EPHA6: variants seen among roughly 807,000 people sequenced by gnomAD.
EPHA6 encodes ephrin type-A receptor 6.
A neutral mutation model predicts 112.0 loss-of-function variants in EPHA6; 50 were observed. The ratio of observed to expected loss-of-function variants is 0.45; its 90% CI spans 0.36 to 0.56. The LOEUF (loss-of-function observed/expected upper bound fraction) is 0.56, where lower values mean the gene tolerates loss of function less well. EPHA6 is among the 20% of genes least tolerant of loss of function. The pLI, the probability that EPHA6 is intolerant of heterozygous loss-of-function variation, is 0.00. For missense variants in EPHA6, 1,280 were observed against 1,417.4 expected, an observed-to-expected ratio of 0.90 and a Z score of 1.56; for synonymous variants, 529 against 490.7, an observed-to-expected ratio of 1.08 and a Z score of -1.03.
rs967517119 is a variant in EPHA6 at position 97,749,469 on chromosome 3, T to C, written c.*768T>C. ...ATTTATTTATTTTTACTAACCGTAG[T>C]ATATTTCTCTACTACCTTATGAAGA... is the stretch of plus-strand genomic sequence containing the variant. On this transcript the variant is annotated 3_prime_UTR_variant, in exon 18 of 18. Coordinates refer to ENST00000389672, the MANE Select transcript of EPHA6 (RefSeq NM_001080448.3). 1.3e-5 allele frequency among the ~76,000 whole-genome samples: 2 copies of C among 152,154 alleles called. No homozygotes were observed. Among genetic ancestry groups the C allele is most frequent in the African/African-American group, 4.8e-5 (2 of 41,428 alleles).
intron 5 of EPHA6, among the ~76,000 whole-genome samples, chr3:97,356,509 TC>T (rs1485934773): frequency 6.6e-6 from 1 of 152,152 alleles, no homozygotes; most frequent in Non-Finnish European, 1.5e-5. Flanking sequence ...TTGTTTTGAT[TC>T]TTCTCTAAGT....
At chr3:97,295,985 G>A (rs1430263488) in intron 5 of EPHA6, among the ~76,000 whole-genome samples, 1 of 152,160 alleles carries the variant, frequency 6.6e-6, no homozygotes, top group African/African-American at 2.4e-5. Context: ...GCAGATCTGA[G>A]CTAGTTGATT....
intron 14 of EPHA6, among the ~76,000 whole-genome samples, chr3:97,709,206 G>A (rs2033840719): frequency 6.6e-6 from 1 of 151,422 alleles, no homozygotes; most frequent in South Asian, 2.1e-4. Flanking sequence ...TGTGAAAGCA[G>A]CCAATGGGGC....
intron 2 of EPHA6, among the ~76,000 whole-genome samples, chr3:96,983,048 T>G (rs1333711319): frequency 6.6e-6 from 1 of 152,186 alleles, no homozygotes; most frequent in African/African-American, 2.4e-5. Flanking sequence ...TTTAGCCCAT[T>G]TACATTTAAG....
intron 14 of EPHA6, among the ~76,000 whole-genome samples, chr3:97,650,197 G>A (rs1560231761): frequency 6.6e-6 from 1 of 152,080 alleles, no homozygotes; most frequent in Non-Finnish European, 1.5e-5. Context: ...ACTGTTTGAG[G>A]TGTGAACACC....
intron 1 of EPHA6, among the ~76,000 whole-genome samples, chr3:96,846,103 C>T (rs1043709507): frequency 1.8e-4 from 28 of 151,914 alleles, no homozygotes; most frequent in Admixed American, 3.3e-4. Context: ...AAAAATAAAA[C>T]GAGGGAATAG....
intron 5 of EPHA6, among the ~76,000 whole-genome samples, chr3:97,364,938 A>G (rs2108953719): frequency 6.6e-6 from 1 of 152,284 alleles, no homozygotes; most frequent in Non-Finnish European, 1.5e-5. Flanking sequence ...TCTCAGGTTG[A>G]TTTAGGCTTT....
chr3:97,720,336 T>C lies in EPHA6; in HGVS notation c.2860T>C (p.Trp954Arg). 1.2e-6 allele frequency: 2 copies of C among 1,610,040 alleles called. No homozygotes were observed. Among genetic ancestry groups the C allele is most frequent in the Non-Finnish European group, 1.7e-6 (2 of 1,177,840 alleles). ...AAAATTCTCCTCAGCAAGCGATGCA[T>C]GGAGCTATGGCATTGTCATGTGGGA... Reference protein sequence around the residue: ...YRKFSSASDAWSYGIVMWEVM... With the variant: ...YRKFSSASDARSYGIVMWEVM... Residue 954 changes from tryptophan (W) to arginine (R), a missense_variant, in exon 15 of 18, where the codon TGG (tryptophan) becomes CGG (arginine). Transcript: ENST00000389672.
intron 5 of EPHA6, among the ~76,000 whole-genome samples, chr3:97,261,996 T>C (rs2079518852): frequency 6.6e-6 from 1 of 152,216 alleles, no homozygotes; most frequent in African/African-American, 2.4e-5. Flanking sequence ...CCACAGTTCT[T>C]AGTTATAAAA....
At chr3:97,127,870 GTT>G (rs759063632) in intron 3 of EPHA6, among the ~76,000 whole-genome samples, 1 of 147,434 alleles carries the variant, frequency 6.8e-6, no homozygotes, top group Non-Finnish European at 1.5e-5. Flanking sequence ...ATATTCTTTA[GTT>G]TTTTTTTTTA....
At chr3:97,295,959 GTGGGCACCAGTA>G (rs1219021189) in intron 5 of EPHA6, among the ~76,000 whole-genome samples, 4 of 152,124 alleles carry the variant, frequency 2.6e-5, no homozygotes, top group Admixed American at 6.6e-5. Flanking sequence ...GATGGTGAAT[GTGGGCACCAGTA>G]TTAGCAGATC....
chr3:97,261,672 C>T (rs574293262), intron 5 of EPHA6, among the ~76,000 whole-genome samples: 4 of 152,216 alleles, frequency 2.6e-5, no homozygotes, highest in Admixed American at 2.0e-4. Flanking sequence ...CAAGAAAGAA[C>T]CTGTTCTTTG....
intron 10 of EPHA6, among the ~76,000 whole-genome samples, chr3:97,502,616 C>T (rs945235124): frequency 5.9e-5 from 9 of 151,272 alleles, no homozygotes; most frequent in Non-Finnish European, 8.8e-5. Context: ...GGGAGGATCA[C>T]GAGGTCAGGA....
In EPHA6 at chr3:97,752,315, C is replaced by A; in HGVS notation, c.*3614C>A. ...AAGAATGAATTCTTTTACTTATCAC[C>A]CAACCACATTTCTTAAAAATGTGTT... On this transcript the variant is annotated 3_prime_UTR_variant, in exon 18 of 18. Coordinates refer to ENST00000389672, the MANE Select transcript of EPHA6 (RefSeq NM_001080448.3). The A allele has an allele frequency of 4.5e-6, 1 of 224,424 alleles. No individual in the cohort carries two copies. The allele number at this position is 224,424 out of a possible 1,614,324, so 13.9% of individuals were successfully genotyped here. A position where few individuals can be genotyped will look rare whatever the true frequency, so the allele number is the denominator to read the frequency against.
intron 3 of EPHA6, among the ~76,000 whole-genome samples, chr3:97,213,045 A>G (rs1418561130): frequency 6.6e-6 from 1 of 152,216 alleles, no homozygotes; most frequent in African/African-American, 2.4e-5. Context: ...AGTCTTTGGC[A>G]TGTTAAATAG....
At chr3:97,611,211 T>C (rs1232584318) in intron 13 of EPHA6, among the ~76,000 whole-genome samples, 1 of 151,832 alleles carries the variant, frequency 6.6e-6, no homozygotes, top group Non-Finnish European at 1.5e-5. Context: ...TGTAGTATGA[T>C]ATTGTATGCA....
At chr3:97,199,614 A>G (rs755992785) in intron 3 of EPHA6, among the ~76,000 whole-genome samples, 11 of 152,162 alleles carry the variant, frequency 7.2e-5, no homozygotes, top group Non-Finnish European at 1.2e-4. Flanking sequence ...GGCTTCGCCA[A>G]CTTGAGCAGT....
At chr3:97,443,026 T>A (rs2090192355) in intron 6 of EPHA6, among the ~76,000 whole-genome samples, 1 of 152,180 alleles carries the variant, frequency 6.6e-6, no homozygotes, top group South Asian at 2.1e-4. Flanking sequence ...CCTGCAATTC[T>A]TGATTTATCC....
chr3:97,186,329 T>C (rs2077134779), intron 3 of EPHA6, among the ~76,000 whole-genome samples: 1 of 152,128 alleles, frequency 6.6e-6, no homozygotes, highest in Admixed American at 6.6e-5. Flanking sequence ...GGCTGGTAGC[T>C]TTACTGGTAC....
Sources: gnomAD v4.1 joint callset for allele counts (sites outside exome capture counted in the v4.1 genomes callset) on GRCh38, gnomAD v4.1.1 for gene constraint, MANE v1.5 for transcripts, NCBI Gene and HGNC (gene_info 2026-07-23, HGNC 2026-07-21) for gene names.